The following SLIT3 variants were observed in gnomAD, a reference collection of about 807,000 sequenced individuals.
SLIT3 encodes slit homolog 3 protein.
A neutral mutation model predicts 184.0 loss-of-function variants in SLIT3; 68 were observed. That is an observed-to-expected ratio of 0.37 (90% confidence interval 0.30 to 0.45). The LOEUF (loss-of-function observed/expected upper bound fraction) is 0.45. Ranked by LOEUF, SLIT3 falls within the 20% of genes least tolerant of loss-of-function variation. The pLI, the probability that SLIT3 is intolerant of heterozygous loss-of-function variation, is 1.00. For missense variants in SLIT3, 1,707 were observed against 2,026.0 expected (o/e 0.84, Z 3.02); for synonymous variants, 831 against 828.6 (o/e 1.00, Z -0.05).
chr5:168,817,309 C>T lies in SLIT3; in HGVS notation c.784G>A (p.Val262Met), dbSNP rs772201491. Residue 262 changes from valine (V) to methionine (M), a missense_variant, in exon 8 of 36, where the codon GTG (valine) becomes ATG (methionine). Physicochemically the swap from Val to Met is conservative, Grantham distance 21. Transcript: ENST00000519560. Reference protein sequence around the residue: ...NVADVQKKEYVCPAPHSEPPS... With the variant: ...NVADVQKKEYMCPAPHSEPPS... ...GGTAAAGCATCCTCACCTGGGCACACGTACTCCTTCTTCTGCACATCCGCC... is the reference window on the plus strand; with the variant it reads ...GGTAAAGCATCCTCACCTGGGCACATGTACTCCTTCTTCTGCACATCCGCC... The T allele has an allele frequency of 6.2e-6, 10 of 1,614,140 alleles. No individual in the cohort carries two copies. Among genetic ancestry groups the T allele is most frequent in the Non-Finnish European group, 7.6e-6 (9 of 1,180,012 alleles).
rs535770895 is a variant in SLIT3 at position 168,763,912 on chromosome 5, G to T, written c.1460-1223C>A. 2.0e-5 allele frequency among the ~76,000 whole-genome samples: 3 copies of T among 152,350 alleles called. 1 individual carries two copies. The highest frequency in any genetic ancestry group is 3.9e-4 in the East Asian group (2 of 5,192). The stretch of plus-strand genomic sequence containing the variant: ...CATGAGTATTGGGAAGTGTTTCAGA[G>T]AATGTGAACATTATTTGTTTGCTCC... On this transcript the variant is annotated intron_variant, in intron 14 of 35. Coordinates refer to ENST00000519560, the MANE Select transcript of SLIT3 (RefSeq NM_003062.4).
intron 32 of SLIT3, among the ~76,000 whole-genome samples, chr5:168,674,139 T>A (rs2113185266): frequency 6.6e-6 from 1 of 152,308 alleles, no homozygotes; most frequent in Admixed American, 6.5e-5. Flanking sequence ...GTACCACCAG[T>A]GGTATGCATG....
chr5:168,688,385 G>T (rs77351430), intron 29 of SLIT3, among the ~76,000 whole-genome samples: 2,091 of 152,218 alleles, frequency 0.014, 22 homozygotes, highest in Non-Finnish European at 0.023. Context: ...GCAGCCCCAC[G>T]GAAGAATCAG....
At chr5:168,807,469 C>G (rs1031567649) in intron 8 of SLIT3, among the ~76,000 whole-genome samples, 2 of 152,184 alleles carry the variant, frequency 1.3e-5, no homozygotes, top group Admixed American at 6.5e-5. Context: ...AGGTAAGACT[C>G]TTAATCATAT....
intron 4 of SLIT3, among the ~76,000 whole-genome samples, chr5:169,002,214 T>C (rs1755727315): frequency 1.4e-5 from 2 of 147,068 alleles, no homozygotes; most frequent in African/African-American, 5.0e-5. Flanking sequence ...TTCCGGCTAC[T>C]AGGGAGGCTA....
rs538907088 is a variant in SLIT3 at position 168,986,542 on chromosome 5, C to T, written c.414-103206G>A. On this transcript the variant is annotated intron_variant, in intron 4 of 35. Transcript: ENST00000519560. ...CCCCCATCTCCATTCTCAGTGTCCT[C>T]GTCCATCCCACCCCTGCACGCTCTC... Among the ~76,000 whole-genome samples the T allele has an allele frequency of 5.9e-5, 9 of 152,254 alleles. No individual in the cohort carries two copies. The South Asian group carries it at 8.3e-4, about 14-fold the overall frequency.
chr5:168,883,660 G>A (rs895502030), intron 4 of SLIT3, among the ~76,000 whole-genome samples: 4 of 147,608 alleles, frequency 2.7e-5, no homozygotes, highest in African/African-American at 9.9e-5. Context: ...CCACCTCCCG[G>A]AGACAACCCC....
chr5:169,194,826 G>C (rs1261666422), intron 3 of SLIT3, among the ~76,000 whole-genome samples: 1 of 152,184 alleles, frequency 6.6e-6, no homozygotes, highest in Non-Finnish European at 1.5e-5. Flanking sequence ...GGCTACCTGA[G>C]TTTTTAAGTG....
At chr5:168,976,241 G>A (rs1463220877) in intron 4 of SLIT3, among the ~76,000 whole-genome samples, 1 of 152,180 alleles carries the variant, frequency 6.6e-6, no homozygotes, top group African/African-American at 2.4e-5. Flanking sequence ...GGAGCTCCCT[G>A]AGTCCACTTT....
chr5:169,289,804 T>C (rs529016545), intron 1 of SLIT3, among the ~76,000 whole-genome samples: 1 of 152,280 alleles, frequency 6.6e-6, no homozygotes, highest in African/African-American at 2.4e-5. Flanking sequence ...CACAATTCTA[T>C]GGTCAAGTCA....
chr5:169,145,082 A>G (rs973052254), intron 4 of SLIT3, among the ~76,000 whole-genome samples: 1 of 152,194 alleles, frequency 6.6e-6, no homozygotes, highest in Non-Finnish European at 1.5e-5. Flanking sequence ...CTTGTGAGGA[A>G]GGAGAAACAC....
intron 4 of SLIT3, among the ~76,000 whole-genome samples, chr5:168,935,144 A>AAAAAAC (rs1762114544): frequency 6.7e-6 from 1 of 150,196 alleles, no homozygotes. Flanking sequence ...TCTCAAAAAA[A>AAAAAAC]AAAAACAAAA....
chr5:168,947,422 G>A lies in SLIT3; in HGVS notation c.414-64086C>T, dbSNP rs543547580. Among the ~76,000 whole-genome samples, 3 of 152,288 alleles carry A rather than the reference G, an allele frequency of 2.0e-5. No homozygotes were observed. In the East Asian group the frequency reaches 5.8e-4, roughly 29 times the overall value. On this transcript the variant is annotated intron_variant, in intron 4 of 35. Coordinates refer to ENST00000519560, the MANE Select transcript of SLIT3 (RefSeq NM_003062.4). The stretch of plus-strand genomic sequence containing the variant: ...TGGTGCCTGGACTCCACTCCCCCAG[G>A]CCCCTGCTCACTGCTCTCTTTGGCC...
chr5:168,972,336 C>CGTGTGTGTGT lies in SLIT3; in HGVS notation c.414-89001_414-89000insACACACACAC, dbSNP rs1353519749. On this transcript the variant is annotated intron_variant, in intron 4 of 35. Coordinates refer to ENST00000519560, the MANE Select transcript of SLIT3 (RefSeq NM_003062.4). ...TTGTTGATGGCTAGCTGCAGGACAA[C>CGTGTGTGTGT]ATGTGTGTGTGTGTGTGTGTGTGTG... is the stretch of plus-strand genomic sequence containing the variant. Among the ~76,000 whole-genome samples, 110 of 39,772 alleles carry CGTGTGTGTGT rather than the reference C, an allele frequency of 2.8e-3. 1 individual carries two copies. Among genetic ancestry groups the CGTGTGTGTGT allele is most frequent in the Middle Eastern group, 0.023 (2 of 88 alleles). 26.1% of individuals were successfully genotyped at this position (39,772 alleles called of 152,430 possible).
At chr5:169,106,127 G>A (rs932856445) in intron 4 of SLIT3, among the ~76,000 whole-genome samples, 4 of 152,146 alleles carry the variant, frequency 2.6e-5, no homozygotes, top group Non-Finnish European at 4.4e-5. Context: ...ATGGGTTGAT[G>A]TGTGCAGAAA....
chr5:168,693,515 G>T (rs1399171619), intron 28 of SLIT3, among the ~76,000 whole-genome samples: 1 of 152,166 alleles, frequency 6.6e-6, no homozygotes, highest in Non-Finnish European at 1.5e-5. Flanking sequence ...GGGGGAGGGC[G>T]GTAAGGCAGG....
intron 4 of SLIT3, among the ~76,000 whole-genome samples, chr5:168,956,819 G>C (rs1169744452): frequency 6.6e-6 from 1 of 151,668 alleles, no homozygotes; most frequent in East Asian, 1.9e-4. Context: ...AGAATCAGAA[G>C]GTAGCAAGAT....
intron 4 of SLIT3, among the ~76,000 whole-genome samples, chr5:168,911,041 A>G (rs1303427011): frequency 6.6e-6 from 1 of 152,158 alleles, no homozygotes; most frequent in African/African-American, 2.4e-5. Flanking sequence ...CAAAAGCAGA[A>G]AAGCTACGTT....
intron 6 of SLIT3, among the ~76,000 whole-genome samples, chr5:168,828,293 A>C (rs1194968165): frequency 6.6e-6 from 1 of 152,064 alleles, no homozygotes; most frequent in African/African-American, 2.4e-5. Flanking sequence ...AGGTGAATCC[A>C]CCTTGGGTTG....
Sources: gnomAD v4.1 joint callset for allele counts (sites outside exome capture counted in the v4.1 genomes callset) on GRCh38, gnomAD v4.1.1 for gene constraint, MANE v1.5 for transcripts, NCBI Gene and HGNC (gene_info 2026-07-23, HGNC 2026-07-21) for gene names.